The following SORBS3 variants were observed in gnomAD, a reference collection of about 807,000 sequenced individuals.
The protein encoded by SORBS3 is vinexin.
In SORBS3, 69 loss-of-function variants were observed where a neutral mutation model predicts 98.0. The ratio of observed to expected loss-of-function variants is 0.70; its 90% CI spans 0.58 to 0.86. The LOEUF (loss-of-function observed/expected upper bound fraction) is 0.86. SORBS3 is among the 40% of genes least tolerant of loss of function. SORBS3 has a pLI of 0.00. For missense variants in SORBS3, 954 were observed against 908.5 expected, an observed-to-expected ratio of 1.05 and a Z score of -0.64; for synonymous variants, 394 against 355.4, an observed-to-expected ratio of 1.11 and a Z score of -1.22.
rs2117320579 is a variant in SORBS3 at position 22,575,368 on chromosome 8, A to G, written c.*640A>G. 1.1e-5 allele frequency: 2 copies of G among 177,336 alleles called. No homozygotes were observed. Among genetic ancestry groups the G allele is most frequent in the Middle Eastern group, 2.4e-3 (1 of 424 alleles). 11.0% of individuals were successfully genotyped at this position (177,336 alleles called of 1,614,324 possible). On this transcript the variant is annotated 3_prime_UTR_variant, in exon 21 of 21. Coordinates refer to ENST00000240123, the MANE Select transcript of SORBS3 (RefSeq NM_005775.5). Reference sequence around the variant, plus strand: ...GCATATCACCCCGCACTGTGGGGCCAGGCACCACTAGCCTGGCTCAAATAT... The same window carrying G: ...GCATATCACCCCGCACTGTGGGGCCGGGCACCACTAGCCTGGCTCAAATAT...
rs1840154004 is a variant in SORBS3, at chr8:22,554,803, G to A, written c.103-60G>A. 6.9e-7 allele frequency: 1 copy of A among 1,458,212 alleles called. No individual in the cohort carries two copies. Among genetic ancestry groups the A allele is most frequent in the Non-Finnish European group, 9.5e-7 (1 of 1,049,266 alleles). 90.3% of individuals were successfully genotyped at this position (1,458,212 alleles called of 1,614,324 possible). A position where few individuals can be genotyped will look rare whatever the true frequency, so the allele number is the denominator to read the frequency against. On this transcript the variant is annotated intron_variant, in intron 2 of 20. Transcript: ENST00000240123. This position sits in a 1 kb window ranked among gnomAD's most constrained non-coding sequence, Gnocchi z 6.5. ...CGAGGGGTGTGGGCTGTGCCTAGTA[G>A]CCATCCCTCCCTCCCGCCCTGCTGG...
intron 20 of SORBS3, among the ~76,000 whole-genome samples, chr8:22,573,716 T>C (rs1257705899): frequency 6.6e-6 from 1 of 152,172 alleles, no homozygotes; most frequent in Non-Finnish European, 1.5e-5. Flanking sequence ...GAAGTCAGGG[T>C]GCCAGCCTGG....
chr8:22,558,047 C>A, intron 4 of SORBS3, 82 bp from the exon 5 acceptor site: 2 of 1,355,420 alleles, frequency 1.5e-6, no homozygotes, highest in South Asian at 1.2e-5. Flanking sequence ...AGAGAAGGGA[C>A]TCACTAGGGA....
In SORBS3 at chr8:22,561,889, A is replaced by G; in HGVS notation, c.542A>G (p.Gln181Arg). The G allele has an allele frequency of 6.2e-7, 1 of 1,614,154 alleles. No homozygotes were observed. Residue 181 changes from glutamine to arginine, a missense_variant, in exon 7 of 21, where the codon CAA becomes CGA. Transcript: ENST00000240123. The part of the protein sequence containing the change: ...PRDPRHLGAQ[Q>R]RPAHRPGPAT... ...GACCCCAGGCATCTAGGAGCCCAGCAAAGACCTGCCCACAGGCCCGGCCCG... is the reference window on the plus strand; with the variant it reads ...GACCCCAGGCATCTAGGAGCCCAGCGAAGACCTGCCCACAGGCCCGGCCCG...
chr8:22,575,228 GGCGGAGCAAGGCGGGGGACAGAC>G lies in SORBS3; in HGVS notation c.*503_*525del. The G allele has an allele frequency of 3.1e-6, 1 of 318,062 alleles. No individual in the cohort carries two copies. The highest frequency in any genetic ancestry group is 2.5e-5 in the South Asian group (1 of 39,748). The allele number at this position is 318,062 out of a possible 1,614,324, so 19.7% of individuals were successfully genotyped here. A position where few individuals can be genotyped will look rare whatever the true frequency, so the allele number is the denominator to read the frequency against. ...TCTGGCCTCCAGCTGGGTGTGGGGG[GGCGGAGCAAGGCGGGGGACAGAC>G]GCAGCACCTTCTTAGCGATCTAGGC... On this transcript the variant is annotated 3_prime_UTR_variant, in exon 21 of 21. Coordinates refer to ENST00000240123, the MANE Select transcript of SORBS3 (RefSeq NM_005775.5).
chr8:22,566,485 G>C lies in SORBS3; in HGVS notation c.1090+1G>C. On this transcript the variant is annotated splice_donor_variant, in intron 13 of 20. Transcript: ENST00000240123. LOFTEE classifies it high-confidence loss of function. ...TTTGTCTACCCTTCCTCAACCCGAG[G>C]TAAGGACCCAGCCCTGCTCTCTTTC... The C allele has an allele frequency of 6.2e-7, 1 of 1,613,502 alleles. No homozygotes were observed. Among genetic ancestry groups the C allele is most frequent in the East Asian group, 2.2e-5 (1 of 44,874 alleles).
intron 10 of SORBS3, chr8:22,565,065 G>T: frequency 7.0e-7 from 1 of 1,423,430 alleles, no homozygotes; most frequent in East Asian, 2.6e-5. Context: ...CCCGGGGCGT[G>T]CTGGGCAGGT....
At chr8:22,574,557 A>G in intron 20 of SORBS3, 110 bp from the exon 21 acceptor site, 2 of 1,063,944 alleles carry the variant, frequency 1.9e-6, no homozygotes, top group South Asian at 1.4e-5. Context: ...GGGCTCCCCT[A>G]CAGAACTCCC....
At chr8:22,574,453 C>T (rs1013155876) in intron 20 of SORBS3, among the ~76,000 whole-genome samples, 2 of 152,104 alleles carry the variant, frequency 1.3e-5, no homozygotes, top group African/African-American at 4.8e-5. Flanking sequence ...TGCTCAGATT[C>T]TTTGGTGGTT....
At chr8:22,553,025 C>T (rs937184188) in intron 1 of SORBS3, among the ~76,000 whole-genome samples, 6 of 152,176 alleles carry the variant, frequency 3.9e-5, no homozygotes, top group African/African-American at 1.4e-4. Flanking sequence ...AGACAAGGAG[C>T]TGCCCCCAGC....
At position 22,554,960 on chromosome 8, in the gene SORBS3, G is replaced by A. The variant is rs1840158382; in HGVS notation, c.200G>A (p.Arg67Gln). Residue 67 changes from arginine (R) to glutamine (Q), a missense_variant, in exon 3 of 21, where the codon CGA (arginine) becomes CAA (glutamine). By Grantham distance (43) the Arg-to-Gln change is conservative. Transcript: ENST00000240123. The surrounding 1 kb of genome is among the most constrained non-coding windows in gnomAD (Gnocchi z 6.5). ...TVCNGGYTPR[R>Q]DASQHPDPAW... is the part of the protein sequence containing the mutation. ...TGCAATGGGGGCTACACACCAAGAC[G>A]AGATGCTTCCCAGCACCCGGGTAGG... 2.5e-6 allele frequency: 4 copies of A among 1,613,590 alleles called. No individual in the cohort carries two copies. The highest frequency in any genetic ancestry group is 1.7e-4 in the Middle Eastern group (1 of 6,060).
At chr8:22,556,573 C>G in intron 3 of SORBS3, 142 bp from the exon 4 acceptor site, 1 of 699,034 alleles carries the variant, frequency 1.4e-6, no homozygotes, top group South Asian at 1.7e-5. Flanking sequence ...GCCCGTGGTG[C>G]TCTGAGTCAT....
chr8:22,559,068 C>T lies in SORBS3; in HGVS notation c.478+876C>T, dbSNP rs555715671. 2.4e-4 allele frequency among the ~76,000 whole-genome samples: 37 copies of T among 152,240 alleles called. No homozygotes were observed. The East Asian group carries it at 5.6e-3, about 23-fold the overall frequency. On this transcript the variant is annotated intron_variant, in intron 5 of 20. Coordinates refer to ENST00000240123, the MANE Select transcript of SORBS3 (RefSeq NM_005775.5). ...GTGCAAATAAGGAGGAGCCACTGAG[C>T]GGAAGAGTGCCATGCTCTGACAAGT...
Position 22,571,028 on chromosome 8 carries a change from G to A in SORBS3, c.1550G>A (p.Arg517Gln), listed in dbSNP as rs778964667. 34 of 1,613,406 alleles carry A rather than the reference G, an allele frequency of 2.1e-5. No individual in the cohort carries two copies. Among genetic ancestry groups the A allele is most frequent in the Admixed American group, 1.7e-5 (1 of 59,974 alleles). Reference sequence around the variant, plus strand: ...TACGTGCAGGTGTCTCGTGAACCCCGGCTCCGGCTCTGTGACGACGGCCCC... The same window carrying A: ...TACGTGCAGGTGTCTCGTGAACCCCAGCTCCGGCTCTGTGACGACGGCCCC... ...ASYVQVSREP[R>Q]LRLCDDGPQL... The change falls in exon 18 of 21, where the codon CGG (arginine) becomes CAG (glutamine). Residue 517 changes from arginine to glutamine, a missense_variant. Transcript: ENST00000240123.
chr8:22,552,055 C>A, intron 1 of SORBS3, 33 bp downstream of exon 1: 1 of 985,142 alleles, frequency 1.0e-6, no homozygotes, highest in Non-Finnish European at 1.2e-6. Flanking sequence ...GGGGAGTAGG[C>A]GAGGCCGGCG....
At chr8:22,564,222 G>A in intron 8 of SORBS3, 61 bp from the exon 9 acceptor site, 1 of 1,522,868 alleles carries the variant, frequency 6.6e-7, no homozygotes, top group Non-Finnish European at 9.0e-7. Context: ...CCTGCATTTT[G>A]AGCCTGGCCA....
chr8:22,569,540 A>C (rs907440189), intron 17 of SORBS3, among the ~76,000 whole-genome samples: 8 of 152,044 alleles, frequency 5.3e-5, no homozygotes, highest in Non-Finnish European at 1.5e-5. Context: ...GGGTTTCACG[A>C]TGTTGGCCAG....
Position 22,554,270 on chromosome 8 carries a change from G to A in SORBS3, c.-55-182G>A. On this transcript the variant is annotated intron_variant, in intron 1 of 20. Transcript: ENST00000240123. The surrounding 1 kb of genome is among the most constrained non-coding windows in gnomAD (Gnocchi z 6.5). ...TCCATTGTGCCCCTGGGAGCCGGCA[G>A]GCACGGGCAGCCTGCAGGCGGGTGC... The A allele has an allele frequency of 2.0e-6, 1 of 496,440 alleles. No individual in the cohort carries two copies. The highest frequency in any genetic ancestry group is 3.4e-6 in the Non-Finnish European group (1 of 292,790). 30.8% of individuals were successfully genotyped at this position (496,440 alleles called of 1,614,324 possible).
At chr8:22,569,800 T>C (rs1366061243) in intron 17 of SORBS3, among the ~76,000 whole-genome samples, 1 of 152,002 alleles carries the variant, frequency 6.6e-6, no homozygotes, top group African/African-American at 2.4e-5. Context: ...CTTGAACTCC[T>C]GGGCTCAAGC....
Sources: allele counts gnomAD v4.1 joint callset (sites outside exome capture counted in the v4.1 genomes callset), GRCh38; gene constraint gnomAD v4.1.1; non-coding constraint Gnocchi (gnomAD v3.1); transcripts MANE v1.5; gene names NCBI Gene and HGNC (gene_info 2026-07-23, HGNC 2026-07-21).